Variants in SLC22A14 observed in about 807,000 individuals in gnomAD.
SLC22A14 encodes the protein organic cation transporter-like 4.
Under a neutral mutation model 53.9 loss-of-function variants are expected in SLC22A14, and 50 were observed. That is an observed-to-expected ratio of 0.93 (90% CI 0.74 to 1.17). The LOEUF (loss-of-function observed/expected upper bound fraction) is 1.17, where lower values mean the gene tolerates loss of function less well. Ranked by LOEUF, SLC22A14 falls within the 50% of genes most tolerant of loss-of-function variation. The probability of loss-of-function intolerance (pLI) is 0.00; values close to 1 mark genes in which losing one functional copy is unlikely to be tolerated. For synonymous variants in SLC22A14, 312 were observed against 303.0 expected (o/e 1.03, Z -0.31); for missense variants, 671 against 734.7 (o/e 0.91, Z 1.00).
intron 2 of SLC22A14, 136 bp downstream of exon 2, chr3:38,306,678 T>C (rs1252288018): frequency 2.4e-6 from 2 of 835,198 alleles, no homozygotes; most frequent in Admixed American, 2.5e-5. Context: ...AGAGGCAGGG[T>C]CTGGGCAGAA....
intron 1 of SLC22A14, among the ~76,000 whole-genome samples, chr3:38,289,408 G>A (rs927587753): frequency 1.3e-5 from 2 of 152,008 alleles, no homozygotes; most frequent in African/African-American, 2.4e-5. Context: ...ACTGTGATTC[G>A]TTGTCATGTT....
rs1027131792 is a variant in SLC22A14, at chr3:38,314,009, C to T, written c.1378+68C>T. The T allele has an allele frequency of 1.6e-5, 23 of 1,397,278 alleles. No individual in the cohort carries two copies. The East Asian group carries it at 2.1e-4, about 13-fold the overall frequency. The allele number at this position is 1,397,278 out of a possible 1,614,324, so 86.6% of individuals were successfully genotyped here. On this transcript the variant is annotated intron_variant, in intron 8 of 10. Coordinates refer to ENST00000448498, the MANE Select transcript of SLC22A14 (RefSeq NM_001320033.2). Reference sequence around the variant, plus strand: ...GCTTCCCAAAACCCCTCCCCAGTGCCGCCTGCCACGGCCGGCCACCTAGAC... The same window carrying T: ...GCTTCCCAAAACCCCTCCCCAGTGCTGCCTGCCACGGCCGGCCACCTAGAC...
intron 9 of SLC22A14, among the ~76,000 whole-genome samples, chr3:38,315,922 C>G (rs194703): frequency 6.6e-6 from 1 of 152,234 alleles, no homozygotes; most frequent in Non-Finnish European, 1.5e-5. Context: ...GATAAAGGCA[C>G]TCGATTAAGG....
chr3:38,285,797 T>TG (rs1432769905), intron 1 of SLC22A14, among the ~76,000 whole-genome samples: 1 of 152,200 alleles, frequency 6.6e-6, no homozygotes, highest in African/African-American at 2.4e-5. Flanking sequence ...AGTATATACC[T>TG]GGGGGTAGCA....
rs964451476 is a variant in SLC22A14, at chr3:38,316,377, C to T, written c.1586C>T (p.Ser529Phe). The T allele has an allele frequency of 1.2e-6, 2 of 1,614,028 alleles. No homozygotes were observed. Among genetic ancestry groups the T allele is most frequent in the African/African-American group, 1.3e-5 (1 of 74,914 alleles). The change falls in exon 10 of 11, where the codon TCC (serine) becomes TTC (phenylalanine). Residue 529 changes from serine (S) to phenylalanine (F), a missense_variant. Physicochemically the swap from Ser to Phe is radical, Grantham distance 155. Transcript: ENST00000448498. ...SLASVAGAIL[S>F]LTIISQTPSL... ...GCCTCGGTGGCTGGAGCCATCTTGT[C>T]CCTGACAATCATCAGCCAGACCCCC...
rs1704627710 is a variant in SLC22A14, at chr3:38,316,540, T to C, written c.1733+16T>C. The stretch of plus-strand genomic sequence containing the variant: ...CACAGATAAGGTAGGTGTGGGAGCC[T>C]CCTGGGCTGTGCCAGCACGGGGCCT... On this transcript the variant is annotated intron_variant, in intron 10 of 10. Transcript: ENST00000448498. 1 of 1,611,720 alleles carries C rather than the reference T, an allele frequency of 6.2e-7. No homozygotes were observed. Among genetic ancestry groups the C allele is most frequent in the Admixed American group, 1.7e-5 (1 of 59,934 alleles).
upstream of SLC22A14, among the ~76,000 whole-genome samples, chr3:38,280,990 C>T (rs1313778448): frequency 6.6e-6 from 1 of 152,228 alleles, no homozygotes; most frequent in Non-Finnish European, 1.5e-5. Flanking sequence ...CCACCCTGCT[C>T]TTCAGTCTCA....
At chr3:38,293,303 C>T (rs184833219) in intron 1 of SLC22A14, among the ~76,000 whole-genome samples, 212 of 152,306 alleles carry the variant, frequency 1.4e-3, no homozygotes, top group African/African-American at 5.0e-3. Context: ...ATTTGCCCAG[C>T]CTTTCCCTTT....
In SLC22A14 at chr3:38,313,833, C is replaced by G; in HGVS notation, c.1270C>G (p.Arg424Gly). ...CCCCAGCATCATGGAGGTGCCTGCC[C>G]GGCTGTGCTGCATCTTTCTCCTCCA... ...VVPSIMEVPA[R>G]LCCIFLLQQI... The change falls in exon 8 of 11, where the codon CGG (arginine) becomes GGG (glycine). Residue 424 changes from arginine (R) to glycine (G), a missense_variant. Coordinates refer to ENST00000448498, the MANE Select transcript of SLC22A14 (RefSeq NM_001320033.2). 2 of 1,614,018 alleles carry G rather than the reference C, an allele frequency of 1.2e-6. No individual in the cohort carries two copies. The highest frequency in any genetic ancestry group is 1.7e-6 in the Non-Finnish European group (2 of 1,179,954).
chr3:38,309,791 G>A (rs189761058), intron 5 of SLC22A14, among the ~76,000 whole-genome samples: 2 of 152,126 alleles, frequency 1.3e-5, no homozygotes, highest in Admixed American at 1.3e-4. Context: ...AGGGAGGTGA[G>A]AAGAAGCTGA....
chr3:38,313,694 G>A lies in SLC22A14; in HGVS notation c.1164-33G>A, dbSNP rs772846216. ...CCTGGCTCCGTGTGTGTGCGCGCGT[G>A]TGCACGCGCACTTGCCTCCTGGCTT... is the stretch of plus-strand genomic sequence containing the variant. On this transcript the variant is annotated intron_variant, in intron 7 of 10. Coordinates refer to ENST00000448498, the MANE Select transcript of SLC22A14 (RefSeq NM_001320033.2). The A allele has an allele frequency of 1.1e-5, 16 of 1,466,420 alleles. No homozygotes were observed. In the East Asian group the frequency reaches 2.0e-4, roughly 19 times the overall value. The allele number at this position is 1,466,420 out of a possible 1,614,324, so 90.8% of individuals were successfully genotyped here. A position where few individuals can be genotyped will look rare whatever the true frequency, so the allele number is the denominator to read the frequency against.
intron 9 of SLC22A14, 35 bp downstream of exon 9, chr3:38,315,746 C>T (rs911355855): frequency 6.3e-7 from 1 of 1,596,354 alleles, no homozygotes; most frequent in South Asian, 1.1e-5. Flanking sequence ...GCCATGGGGA[C>T]ATGCGCAGGG....
chr3:38,298,164 C>A (rs1014222394), intron 1 of SLC22A14, among the ~76,000 whole-genome samples: 13 of 152,178 alleles, frequency 8.5e-5, no homozygotes, highest in Non-Finnish European at 8.8e-5. Flanking sequence ...ACTGGGGACA[C>A]ACCTTCAGTT....
chr3:38,294,426 A>G (rs1327098704), intron 1 of SLC22A14, among the ~76,000 whole-genome samples: 1 of 152,056 alleles, frequency 6.6e-6, no homozygotes, highest in African/African-American at 2.4e-5. Context: ...CTTGAAGAGG[A>G]TATCATGGCC....
At chr3:38,279,766 C>G (rs555563365), upstream of SLC22A14, among the ~76,000 whole-genome samples, 33 of 152,216 alleles carry the variant, frequency 2.2e-4, no homozygotes, top group African/African-American at 7.9e-4. Flanking sequence ...AGAAGATATG[C>G]AGCTTCACTG....
At chr3:38,301,980 C>G (rs1406219333) in intron 1 of SLC22A14, among the ~76,000 whole-genome samples, 1 of 151,122 alleles carries the variant, frequency 6.6e-6, no homozygotes, top group Non-Finnish European at 1.5e-5. Context: ...AGCCTGTAAT[C>G]CCAGCACCTT....
chr3:38,286,785 G>T (rs1454058147), intron 1 of SLC22A14, among the ~76,000 whole-genome samples: 2 of 151,720 alleles, frequency 1.3e-5, no homozygotes, highest in East Asian at 1.9e-4. Context: ...AGGTGGGAGT[G>T]CAGTGGCCAG....
intron 5 of SLC22A14, 41 bp from the exon 6 acceptor site, chr3:38,312,958 C>T (rs1430261398): frequency 6.4e-7 from 1 of 1,564,634 alleles, no homozygotes; most frequent in Admixed American, 1.9e-5. Flanking sequence ...GGTCTCTGGG[C>T]ATCATAGAAC....
At chr3:38,282,724 C>A (rs529970282) in intron 1 of SLC22A14, among the ~76,000 whole-genome samples, 1 of 152,174 alleles carries the variant, frequency 6.6e-6, no homozygotes, top group South Asian at 2.1e-4. Context: ...TCAGGTGGTG[C>A]TGGGGGATGC....
Sources: gnomAD v4.1 joint callset for allele counts (sites outside exome capture counted in the v4.1 genomes callset) on GRCh38, gnomAD v4.1.1 for gene constraint, MANE v1.5 for transcripts, NCBI Gene and HGNC (gene_info 2026-07-23, HGNC 2026-07-21) for gene names.